Variants in NRG3 observed in about 807,000 individuals in gnomAD.
The protein encoded by NRG3 is pro-neuregulin-3, membrane-bound isoform.
NRG3 carries 31 observed loss-of-function variants against 66.9 expected under a neutral mutation model. The ratio of observed to expected loss-of-function variants is 0.46; its 90% confidence interval spans 0.35 to 0.63. NRG3 has a LOEUF of 0.63. Among genes scored for constraint, NRG3 ranks in the 20% least tolerant of loss-of-function variants. NRG3 has a pLI of 0.00. For missense variants in NRG3, 910 were observed against 878.9 expected (o/e 1.04, Z -0.45); for synonymous variants, 393 against 359.4 (o/e 1.09, Z -1.06).
chr10:82,761,982 T>G (rs2135076760), intron 3 of NRG3, among the ~76,000 whole-genome samples: 1 of 149,230 alleles, frequency 6.7e-6, no homozygotes, highest in South Asian at 2.1e-4. Flanking sequence ...CTTTTCTTTC[T>G]TTCTTCTTTC....
At chr10:82,177,286 A>G (rs146039957) in intron 1 of NRG3, among the ~76,000 whole-genome samples, 62 of 152,226 alleles carry the variant, frequency 4.1e-4, no homozygotes, top group Non-Finnish European at 1.5e-4. Flanking sequence ...TAAAAGAAAA[A>G]TCTATTGATC....
chr10:82,570,253 C>G (rs995602349), intron 2 of NRG3, among the ~76,000 whole-genome samples: 2 of 151,652 alleles, frequency 1.3e-5, no homozygotes, highest in African/African-American at 4.8e-5. Context: ...AATTCCTTAA[C>G]CTGGCCTTAA....
chr10:82,726,749 T>C (rs1464593258), intron 2 of NRG3, among the ~76,000 whole-genome samples: 1 of 152,122 alleles, frequency 6.6e-6, no homozygotes. Flanking sequence ...ACTTTGGAAC[T>C]GGGTAACAAG....
rs192187595 is a variant in NRG3 at position 82,011,403 on chromosome 10, G to A, written c.823+135240G>A. On this transcript the variant is annotated intron_variant, in intron 1 of 8. Coordinates refer to ENST00000372141, the MANE Select transcript of NRG3 (RefSeq NM_001010848.4). ...TATTACAATTCAAGGTGATATTTGG[G>A]TGGGGACACAGAGCCAACCATATCA... Among the ~76,000 whole-genome samples the A allele has an allele frequency of 6.6e-5, 10 of 152,204 alleles. No individual in the cohort carries two copies. The East Asian group carries it at 1.7e-3, about 26-fold the overall frequency.
chr10:81,966,083 G>T (rs551795675), intron 1 of NRG3, among the ~76,000 whole-genome samples: 19 of 151,676 alleles, frequency 1.3e-4, no homozygotes, highest in South Asian at 8.3e-4. Flanking sequence ...TGTACTAAGA[G>T]CTTTTAATAA....
At chr10:81,877,021 A>G (rs1197422993) in intron 1 of NRG3, among the ~76,000 whole-genome samples, 1 of 152,136 alleles carries the variant, frequency 6.6e-6, no homozygotes, top group African/African-American at 2.4e-5. Context: ...CCTGAAAAAT[A>G]TAGACGAGTT....
At chr10:82,157,413 A>C (rs186196446) in intron 1 of NRG3, among the ~76,000 whole-genome samples, 1 of 151,914 alleles carries the variant, frequency 6.6e-6, no homozygotes, top group East Asian at 1.9e-4. Flanking sequence ...TGTCTTGTTA[A>C]AGAAGATAAT....
At chr10:82,277,402 T>G (rs1353683800) in intron 1 of NRG3, among the ~76,000 whole-genome samples, 1 of 152,106 alleles carries the variant, frequency 6.6e-6, no homozygotes, top group Non-Finnish European at 1.5e-5. Context: ...GACTATAAGG[T>G]TGTTTAAAAC....
chr10:81,912,273 G>A (rs1845242525), intron 1 of NRG3, among the ~76,000 whole-genome samples: 1 of 152,196 alleles, frequency 6.6e-6, no homozygotes, highest in Non-Finnish European at 1.5e-5. Context: ...TCAGACTGGA[G>A]TTCAGGGGTG....
intron 1 of NRG3, among the ~76,000 whole-genome samples, chr10:82,114,389 G>A (rs917570221): frequency 6.6e-6 from 1 of 152,140 alleles, no homozygotes; most frequent in Non-Finnish European, 1.5e-5. Flanking sequence ...CTCTTGGAGA[G>A]AAGGAATAAA....
intron 1 of NRG3, among the ~76,000 whole-genome samples, chr10:82,062,702 A>G (rs77724004): frequency 0.034 from 5,118 of 152,170 alleles, 140 homozygotes; most frequent in East Asian, 0.11. Flanking sequence ...TGGAGAGGCT[A>G]TGCTGTCTTT....
intron 1 of NRG3, among the ~76,000 whole-genome samples, chr10:82,293,616 C>A (rs2134639994): frequency 6.6e-6 from 1 of 152,282 alleles, no homozygotes; most frequent in Admixed American, 6.5e-5. Context: ...TATTCTGTAG[C>A]AATGTGGGGG....
At chr10:82,845,625 GA>G (rs199788928) in intron 3 of NRG3, among the ~76,000 whole-genome samples, 274 of 151,148 alleles carry the variant, frequency 1.8e-3, no homozygotes, top group African/African-American at 5.2e-3. Flanking sequence ...AAATAAAAAG[GA>G]AAAAAAACAA....
chr10:82,087,260 CT>C, intron 1 of NRG3, among the ~76,000 whole-genome samples: 1 of 152,090 alleles, frequency 6.6e-6, no homozygotes, highest in Middle Eastern at 3.4e-3. Flanking sequence ...AAAAATGGTT[CT>C]CAGAGACACT....
rs184161921 is a variant in NRG3, at chr10:81,911,650, C to G, written c.823+35487C>G. 1.5e-3 allele frequency among the ~76,000 whole-genome samples: 146 copies of G among 98,514 alleles called. 1 individual carries two copies. Among genetic ancestry groups the G allele is most frequent in the African/African-American group, 5.6e-3 (141 of 24,996 alleles). 64.6% of individuals were successfully genotyped at this position (98,514 alleles called of 152,430 possible). On this transcript the variant is annotated intron_variant, in intron 1 of 8. Coordinates refer to ENST00000372141, the MANE Select transcript of NRG3 (RefSeq NM_001010848.4). ...TTTTTGATGAGACTACAAGGAAGAA[C>G]ACTTTTCCTTCACTGCATGTATTTT...
intron 1 of NRG3, among the ~76,000 whole-genome samples, chr10:81,977,232 T>C (rs1317842506): frequency 6.6e-6 from 1 of 152,200 alleles, no homozygotes; most frequent in Non-Finnish European, 1.5e-5. Context: ...CCTGTATTTC[T>C]CCCTTCCATG....
intron 4 of NRG3, among the ~76,000 whole-genome samples, chr10:82,945,774 A>G (rs1224869431): frequency 6.6e-6 from 1 of 152,196 alleles, no homozygotes; most frequent in African/African-American, 2.4e-5. Context: ...TACTGTTACA[A>G]TGACTATTCA....
At chr10:82,794,752 T>C (rs1193061822) in intron 3 of NRG3, among the ~76,000 whole-genome samples, 1 of 151,968 alleles carries the variant, frequency 6.6e-6, no homozygotes, top group African/African-American at 2.4e-5. Flanking sequence ...TTTAAATACA[T>C]CGAAGAGTAA....
At chr10:82,367,748 A>ACCTC in intron 2 of NRG3, among the ~76,000 whole-genome samples, 1 of 152,102 alleles carries the variant, frequency 6.6e-6, no homozygotes, top group Non-Finnish European at 1.5e-5. Context: ...TAATCCCAGA[A>ACCTC]CTTAGGAGGC....
Sources: gnomAD v4.1 joint callset for allele counts (sites outside exome capture counted in the v4.1 genomes callset) on GRCh38, gnomAD v4.1.1 for gene constraint, MANE v1.5 for transcripts, NCBI Gene and HGNC (gene_info 2026-07-23, HGNC 2026-07-21) for gene names.